The following FHIT variants were observed in gnomAD, a reference collection of about 807,000 sequenced individuals.
The protein encoded by FHIT is fragile histidine triad diadenosine triphosphatase, also known as bis(5'-adenosyl)-triphosphatase.
In FHIT, 19 loss-of-function variants were observed where a neutral mutation model predicts 17.9. The ratio of observed to expected loss-of-function variants is 1.06; its 90% confidence interval spans 0.74 to 1.56. The LOEUF is 1.56. Ranked by LOEUF, FHIT falls within the 40% of genes most tolerant of loss-of-function variation. FHIT has a pLI of 0.00. For missense variants in FHIT, 248 were observed against 189.2 expected (o/e 1.31, Z -1.82); for synonymous variants, 81 against 69.7 (o/e 1.16, Z -0.81).
chr3:60,396,620 T>G (rs930981545), intron 5 of FHIT, among the ~76,000 whole-genome samples: 16 of 152,134 alleles, frequency 1.1e-4, no homozygotes, highest in African/African-American at 3.9e-4. Context: ...GAACACAGAT[T>G]AATGCTTATC....
intron 3 of FHIT, among the ~76,000 whole-genome samples, chr3:60,925,283 GA>G (rs1707527687): frequency 6.6e-6 from 1 of 152,246 alleles, no homozygotes; most frequent in South Asian, 2.1e-4. Flanking sequence ...TGAAATGAAG[GA>G]AAAAATGTTA....
At chr3:60,982,358 A>G (rs1710532689) in intron 3 of FHIT, among the ~76,000 whole-genome samples, 1 of 152,214 alleles carries the variant, frequency 6.6e-6, no homozygotes, top group Admixed American at 6.5e-5. Context: ...GCTTTGGGCC[A>G]GCTTCTTAGC....
chr3:61,168,700 G>A (rs923623607), intron 2 of FHIT, among the ~76,000 whole-genome samples: 8 of 152,192 alleles, frequency 5.3e-5, no homozygotes, highest in African/African-American at 1.9e-4. Flanking sequence ...AGCTGTTTTT[G>A]TTGATTTCCC....
At chr3:60,571,952 T>G (rs2301156) in intron 4 of FHIT, among the ~76,000 whole-genome samples, 30,263 of 152,100 alleles carry the variant, frequency 0.2, 3,637 homozygotes, top group East Asian at 0.46. Context: ...GAAAATCATT[T>G]CTTTGGTCAT....
rs1362821580 is a variant in FHIT, at chr3:60,649,308, GA to G, written c.-17-112330del. Among the ~76,000 whole-genome samples the G allele has an allele frequency of 6.3e-4, 96 of 152,270 alleles. 1 individual carries two copies. The highest frequency in any genetic ancestry group is 2.1e-3 in the African/African-American group (88 of 41,566). On this transcript the variant is annotated intron_variant, in intron 4 of 9. Transcript: ENST00000492590. ...CCAGCTACTCAGGAGTCTGAGGCAG[GA>G]GGCTGAGGCGTTAACCTGGGAGGCA... is the stretch of plus-strand genomic sequence containing the variant.
At chr3:59,920,979 A>G (rs1705372213) in intron 8 of FHIT, among the ~76,000 whole-genome samples, 1 of 152,104 alleles carries the variant, frequency 6.6e-6, no homozygotes, top group Non-Finnish European at 1.5e-5. Flanking sequence ...GTGCTGTGCA[A>G]TCTACTTGAT....
chr3:59,984,571 C>T (rs924863366), intron 7 of FHIT, among the ~76,000 whole-genome samples: 6 of 152,014 alleles, frequency 3.9e-5, no homozygotes, highest in Non-Finnish European at 5.9e-5. Flanking sequence ...GAGAAAGCCC[C>T]AGAGTGCAGA....
At chr3:60,577,810 T>C (rs1443690764) in intron 4 of FHIT, among the ~76,000 whole-genome samples, 3 of 152,170 alleles carry the variant, frequency 2.0e-5, no homozygotes, top group African/African-American at 7.2e-5. Context: ...TTTGAATCAT[T>C]AGATGCCTCA....
chr3:60,681,887 C>T (rs2040757103), intron 4 of FHIT, among the ~76,000 whole-genome samples: 1 of 152,008 alleles, frequency 6.6e-6, no homozygotes, highest in Non-Finnish European at 1.5e-5. Context: ...AAAGGCAAAG[C>T]AGGAAGTGCT....
At chr3:60,097,277 G>C (rs553655188) in intron 5 of FHIT, among the ~76,000 whole-genome samples, 45 of 152,156 alleles carry the variant, frequency 3.0e-4, no homozygotes, top group African/African-American at 1.0e-3. Context: ...AGCTTAAATG[G>C]AATAGTAGGA....
At chr3:60,130,822 T>C (rs1559660834) in intron 5 of FHIT, among the ~76,000 whole-genome samples, 4 of 149,746 alleles carry the variant, frequency 2.7e-5, no homozygotes, top group Middle Eastern at 3.4e-3. Flanking sequence ...TGTATGTGTG[T>C]ATAGGTGTGT....
intron 3 of FHIT, among the ~76,000 whole-genome samples, chr3:60,880,010 G>C (rs1486083412): frequency 6.6e-6 from 1 of 151,772 alleles, no homozygotes; most frequent in Non-Finnish European, 1.5e-5. Context: ...AGTCTGGATA[G>C]AGATGTGTAT....
intron 5 of FHIT, among the ~76,000 whole-genome samples, chr3:60,427,858 G>T (rs1702731161): frequency 6.6e-6 from 1 of 151,898 alleles, no homozygotes. Context: ...TCTACCTCTT[G>T]CTCAATATCT....
intron 2 of FHIT, among the ~76,000 whole-genome samples, chr3:61,046,409 A>G (rs1006734894): frequency 6.6e-6 from 1 of 152,098 alleles, no homozygotes; most frequent in Non-Finnish European, 1.5e-5. Context: ...ATAAATTCCT[A>G]GACACATACA....
At chr3:60,120,344 T>G (rs79826150) in intron 5 of FHIT, among the ~76,000 whole-genome samples, 5 of 152,190 alleles carry the variant, frequency 3.3e-5, no homozygotes, top group African/African-American at 1.2e-4. Context: ...AAAGCCAGAA[T>G]TGATTCTGAG....
intron 5 of FHIT, among the ~76,000 whole-genome samples, chr3:60,345,937 T>G (rs920244770): frequency 2.0e-5 from 3 of 152,240 alleles, no homozygotes; most frequent in African/African-American, 7.2e-5. Flanking sequence ...CATTGGTAAT[T>G]TATTGATAGG....
chr3:60,337,094 G>A lies in FHIT; in HGVS notation c.103+199766C>T, dbSNP rs115856792. ...TTATGGTTTTGCTTTTCTACAAGAC[G>A]GAGGTAAGCTTGGCAACATTTATTC... On this transcript the variant is annotated intron_variant, in intron 5 of 9. Transcript: ENST00000492590. 6.3e-3 allele frequency among the ~76,000 whole-genome samples: 961 copies of A among 152,186 alleles called. 11 individuals carry two copies. Among genetic ancestry groups the A allele is most frequent in the African/African-American group, 0.02 (851 of 41,540 alleles).
intron 8 of FHIT, among the ~76,000 whole-genome samples, chr3:59,869,470 C>T (rs1303910001): frequency 7.1e-6 from 1 of 140,722 alleles, no homozygotes; most frequent in Admixed American, 7.1e-5. Context: ...TTCCATCTTT[C>T]CTTAAAGAAC....
intron 8 of FHIT, among the ~76,000 whole-genome samples, chr3:59,784,105 C>A (rs1369114336): frequency 6.6e-6 from 1 of 152,300 alleles, no homozygotes; most frequent in Non-Finnish European, 1.5e-5. Context: ...TTGGACCGAC[C>A]TGCTCTTTCT....
Sources: gnomAD v4.1 joint callset for allele counts (sites outside exome capture counted in the v4.1 genomes callset) on GRCh38, gnomAD v4.1.1 for gene constraint, MANE v1.5 for transcripts, NCBI Gene and HGNC (gene_info 2026-07-23, HGNC 2026-07-21) for gene names.